KCNMB4: variants seen among roughly 807,000 people sequenced by gnomAD.
The protein encoded by KCNMB4 is calcium-activated potassium channel subunit beta-4.
A neutral mutation model predicts 20.7 loss-of-function variants in KCNMB4; 3 were observed. That is an observed-to-expected ratio of 0.14 (90% CI 0.07 to 0.37). The LOEUF (loss-of-function observed/expected upper bound fraction) is 0.37. KCNMB4 is among the 10% of genes least tolerant of loss of function. The pLI is 1.00. For synonymous variants in KCNMB4, 110 were observed against 113.4 expected (o/e 0.97, Z 0.19); for missense variants, 168 against 265.9 (o/e 0.63, Z 2.56).
chr12:70,373,338 A>G (rs1195883352), intron 1 of KCNMB4, among the ~76,000 whole-genome samples: 2 of 152,224 alleles, frequency 1.3e-5, no homozygotes, highest in East Asian at 1.9e-4. Context: ...ATCACAAGGT[A>G]CTTAAAAGTA....
chr12:70,385,025 T>C (rs891671019), intron 1 of KCNMB4, among the ~76,000 whole-genome samples: 6 of 152,012 alleles, frequency 3.9e-5, no homozygotes, highest in African/African-American at 1.4e-4. Flanking sequence ...ATAGATGATA[T>C]ATATAATGTT....
chr12:70,388,508 A>G (rs528995930), intron 1 of KCNMB4, among the ~76,000 whole-genome samples: 32 of 151,900 alleles, frequency 2.1e-4, no homozygotes, highest in African/African-American at 7.0e-4. Flanking sequence ...TTTTCTCTAC[A>G]TCCTTGCCAG....
At chr12:70,422,627 C>G in intron 2 of KCNMB4, 1 of 1,111,628 alleles carries the variant, frequency 9.0e-7, no homozygotes, top group Non-Finnish European at 1.2e-6. Flanking sequence ...TTGTGCCAAG[C>G]TGACTTTAGA....
chr12:70,407,938 G>A (rs1219534569), intron 2 of KCNMB4, among the ~76,000 whole-genome samples: 4 of 152,136 alleles, frequency 2.6e-5, no homozygotes, highest in Non-Finnish European at 5.9e-5. Flanking sequence ...AATTACAAGG[G>A]TTTTACAAGT....
chr12:70,376,295 A>T (rs1340683306), intron 1 of KCNMB4, among the ~76,000 whole-genome samples: 1 of 152,058 alleles, frequency 6.6e-6, no homozygotes, highest in Non-Finnish European at 1.5e-5. Flanking sequence ...GAAGACGAGG[A>T]TGTCCACTCT....
At chr12:70,422,250 C>T (rs1869087040) in intron 2 of KCNMB4, among the ~76,000 whole-genome samples, 2 of 152,122 alleles carry the variant, frequency 1.3e-5, no homozygotes, top group Admixed American at 6.6e-5. Flanking sequence ...CACTTATAGT[C>T]CTCTATGAAA....
chr12:70,404,785 A>G (rs1054141718), intron 2 of KCNMB4, among the ~76,000 whole-genome samples: 1 of 152,240 alleles, frequency 6.6e-6, no homozygotes, highest in Non-Finnish European at 1.5e-5. Flanking sequence ...GATTCTTAAA[A>G]TATCCAGAAG....
intron 2 of KCNMB4, among the ~76,000 whole-genome samples, chr12:70,426,762 A>G (rs2136144162): frequency 6.6e-6 from 1 of 152,346 alleles, no homozygotes; most frequent in South Asian, 2.1e-4. Context: ...GGATCAAATG[A>G]GTCTGAATGT....
intron 2 of KCNMB4, among the ~76,000 whole-genome samples, chr12:70,425,755 T>G (rs942032927): frequency 6.6e-6 from 1 of 152,146 alleles, no homozygotes; most frequent in Non-Finnish European, 1.5e-5. Flanking sequence ...CCCAGAAACA[T>G]AGGACACTTC....
At position 70,379,423 on chromosome 12, in the gene KCNMB4, C is replaced by T. The variant is rs79864347; in HGVS notation, c.336+12353C>T. ...TGAGCACTTGCTGCTTCACTTTGCA[C>T]TTTTTTTTTCTTTTTGAGACAAGGT... is the stretch of plus-strand genomic sequence containing the variant. On this transcript the variant is annotated intron_variant, in intron 1 of 2. Coordinates refer to ENST00000258111, the MANE Select transcript of KCNMB4 (RefSeq NM_014505.6). Among the ~76,000 whole-genome samples, 5 of 151,638 alleles carry T rather than the reference C, an allele frequency of 3.3e-5. No individual in the cohort carries two copies. The South Asian group carries it at 1.0e-3, about 32-fold the overall frequency.
chr12:70,380,672 A>G (rs945109416), intron 1 of KCNMB4, among the ~76,000 whole-genome samples: 1 of 151,938 alleles, frequency 6.6e-6, no homozygotes, highest in Non-Finnish European at 1.5e-5. Flanking sequence ...AAACCTATAC[A>G]TCATGGACGG....
intron 1 of KCNMB4, among the ~76,000 whole-genome samples, chr12:70,379,534 A>T (rs896143607): frequency 2.0e-5 from 3 of 152,060 alleles, no homozygotes; most frequent in Non-Finnish European, 2.9e-5. Context: ...CTCCCACCTC[A>T]GCCTCCCAAG....
At chr12:70,424,390 G>A (rs1225268540) in intron 2 of KCNMB4, among the ~76,000 whole-genome samples, 5 of 150,692 alleles carry the variant, frequency 3.3e-5, no homozygotes, top group East Asian at 3.9e-4. Context: ...AAGGTGAGCC[G>A]AGATCGCGCC....
In KCNMB4 at chr12:70,379,423, C is replaced by G. The variant is rs79864347; in HGVS notation, c.336+12353C>G. Among the ~76,000 whole-genome samples, 1,189 of 151,750 alleles carry G rather than the reference C, an allele frequency of 7.8e-3. 11 individuals carry two copies. Among genetic ancestry groups the G allele is most frequent in the African/African-American group, 0.026 (1,074 of 41,370 alleles). The stretch of plus-strand genomic sequence containing the variant: ...TGAGCACTTGCTGCTTCACTTTGCA[C>G]TTTTTTTTTCTTTTTGAGACAAGGT... On this transcript the variant is annotated intron_variant, in intron 1 of 2. Transcript: ENST00000258111.
intron 1 of KCNMB4, among the ~76,000 whole-genome samples, chr12:70,393,264 G>A (rs1048196275): frequency 3.3e-5 from 5 of 151,956 alleles, no homozygotes; most frequent in East Asian, 1.9e-4. Flanking sequence ...GTGCAGTGGC[G>A]CGATCTCGGC....
intron 1 of KCNMB4, among the ~76,000 whole-genome samples, chr12:70,382,777 CGT>C (rs1883814006): frequency 6.6e-6 from 1 of 152,080 alleles, no homozygotes; most frequent in African/African-American, 2.4e-5. Context: ...CATGAACATG[CGT>C]AGGCAGTTCA....
chr12:70,394,873 C>A (rs570812792), intron 1 of KCNMB4, among the ~76,000 whole-genome samples: 1 of 152,168 alleles, frequency 6.6e-6, no homozygotes, highest in East Asian at 1.9e-4. Flanking sequence ...CACTTTGTTG[C>A]CCAGTGTGGT....
At chr12:70,399,654 G>A (rs910906311) in intron 1 of KCNMB4, among the ~76,000 whole-genome samples, 1 of 152,138 alleles carries the variant, frequency 6.6e-6, no homozygotes, top group Admixed American at 6.6e-5. Context: ...GCATGGCTAG[G>A]AAAAGACATC....
chr12:70,377,746 G>A (rs1883712774), intron 1 of KCNMB4, among the ~76,000 whole-genome samples: 2 of 152,092 alleles, frequency 1.3e-5, no homozygotes, highest in Admixed American at 6.5e-5. Flanking sequence ...ACTCAGTTTA[G>A]GTAATATCTA....
Sources: allele counts gnomAD v4.1 joint callset (sites outside exome capture counted in the v4.1 genomes callset), GRCh38; gene constraint gnomAD v4.1.1; transcripts MANE v1.5; gene names NCBI Gene and HGNC (gene_info 2026-07-23, HGNC 2026-07-21).